Variants in TECR observed in about 807,000 individuals in gnomAD.
TECR encodes the protein trans-2,3-enoyl-CoA reductase, also known as very-long-chain enoyl-CoA reductase.
In TECR, 19 loss-of-function variants were observed where a neutral mutation model predicts 50.6. That is an observed-to-expected ratio of 0.38 (90% CI 0.26 to 0.55). TECR has a LOEUF of 0.55. TECR is among the 20% of genes least tolerant of loss of function. TECR has a pLI of 0.79. For synonymous variants in TECR, 168 were observed against 163.5 expected (o/e 1.03, Z -0.21); for missense variants, 313 against 408.3 (o/e 0.77, Z 2.01).
At chr19:14,543,687 C>T (rs1057342382) in intron 1 of TECR, among the ~76,000 whole-genome samples, 1 of 150,576 alleles carries the variant, frequency 6.6e-6, no homozygotes, top group African/African-American at 2.4e-5. Context: ...ATCCTCCCGC[C>T]TCGGCCTCCC....
chr19:14,529,565 C>G, upstream of TECR: 1 of 1,420,218 alleles, frequency 7.0e-7, no homozygotes, highest in Non-Finnish European at 9.9e-7. Flanking sequence ...CGCGCGCGGC[C>G]TGGAGGGGCG....
chr19:14,551,965 CTCTCTCTT>C (rs1322678696), intron 1 of TECR, among the ~76,000 whole-genome samples: 7 of 120,644 alleles, frequency 5.8e-5, no homozygotes, highest in Non-Finnish European at 1.0e-4. Flanking sequence ...CTCTCTCTCT[CTCTCTCTT>C]TCTCTCTTTT....
chr19:14,551,708 G>C (rs1298098143), intron 1 of TECR, among the ~76,000 whole-genome samples: 2 of 152,084 alleles, frequency 1.3e-5, no homozygotes, highest in African/African-American at 4.8e-5. Flanking sequence ...CAGCCTGGCT[G>C]TGTGAGGCTG....
chr19:14,563,034 G>A lies in TECR; in HGVS notation c.67-172G>A. 1 of 753,674 alleles carries A rather than the reference G, an allele frequency of 1.3e-6. No individual in the cohort carries two copies. The highest frequency in any genetic ancestry group is 2.2e-6 in the Non-Finnish European group (1 of 460,436). The allele number at this position is 753,674 out of a possible 1,614,324, so 46.7% of individuals were successfully genotyped here. On this transcript the variant is annotated intron_variant, in intron 2 of 12. Coordinates refer to ENST00000215567, the MANE Select transcript of TECR (RefSeq NM_138501.6). The surrounding 1 kb of genome is among the most constrained non-coding windows in gnomAD (Gnocchi z 5.3). ...CCCAGACCCCTGCTGTCACTGCACTGGCAGGGCCCTCGGTGGTCCTTCCCT... is the reference window on the plus strand; with the variant it reads ...CCCAGACCCCTGCTGTCACTGCACTAGCAGGGCCCTCGGTGGTCCTTCCCT...
At position 14,563,094 on chromosome 19, in the gene TECR, C is replaced by T; in HGVS notation, c.67-112C>T. 2 of 1,383,042 alleles carry T rather than the reference C, an allele frequency of 1.4e-6. No homozygotes were observed. The highest frequency in any genetic ancestry group is 2.0e-6 in the Non-Finnish European group (2 of 989,416). The allele number at this position is 1,383,042 out of a possible 1,614,324, so 85.7% of individuals were successfully genotyped here. Reference sequence around the variant, plus strand: ...CAGAGGCCTGGACCCCAGCCCTTCCCCCTTCCCATAGCTACAGCCCAACCC... The same window carrying T: ...CAGAGGCCTGGACCCCAGCCCTTCCTCCTTCCCATAGCTACAGCCCAACCC... On this transcript the variant is annotated intron_variant, in intron 2 of 12. Transcript: ENST00000215567. The surrounding 1 kb of genome is among the most constrained non-coding windows in gnomAD (Gnocchi z 5.3).
chr19:14,564,216 A>C lies in TECR; in HGVS notation c.418A>C (p.Lys140Gln). The change falls in exon 7 of 13, where the codon AAG becomes CAG. Residue 140 changes from lysine to glutamine, a missense_variant. Transcript: ENST00000215567. The stretch of plus-strand genomic sequence containing the variant: ...CATCTGTCACTCATTCCACTACATC[A>C]AGCGCCTGCTGGAGACGCTCTTCGT... ...ACICHSFHYIKRLLETLFVHR... is the reference protein window; with the variant it reads ...ACICHSFHYIQRLLETLFVHR... The C allele has an allele frequency of 1.2e-6, 2 of 1,607,212 alleles. No individual in the cohort carries two copies. Among genetic ancestry groups the C allele is most frequent in the Non-Finnish European group, 1.7e-6 (2 of 1,179,584 alleles).
At chr19:14,553,411 C>G (rs2146607770) in intron 1 of TECR, among the ~76,000 whole-genome samples, 1 of 152,196 alleles carries the variant, frequency 6.6e-6, no homozygotes. Flanking sequence ...TCCTCCCCAC[C>G]CTGGGTGACA....
At chr19:14,552,596 C>A (rs968303937) in intron 1 of TECR, among the ~76,000 whole-genome samples, 14 of 151,742 alleles carry the variant, frequency 9.2e-5, no homozygotes, top group Non-Finnish European at 1.3e-4. Context: ...TGCAGTGGCG[C>A]AATCTCTGGC....
chr19:14,563,413 C>A lies in TECR; in HGVS notation c.118+156C>A, dbSNP rs1212620508. 5.9e-6 allele frequency: 5 copies of A among 850,180 alleles called. No homozygotes were observed. The highest frequency in any genetic ancestry group is 9.6e-6 in the Non-Finnish European group (5 of 522,376). 52.7% of individuals were successfully genotyped at this position (850,180 alleles called of 1,614,324 possible). A position where few individuals can be genotyped will look rare whatever the true frequency, so the allele number is the denominator to read the frequency against. On this transcript the variant is annotated intron_variant, in intron 3 of 12. Coordinates refer to ENST00000215567, the MANE Select transcript of TECR (RefSeq NM_138501.6). This position sits in a 1 kb window ranked among gnomAD's most constrained non-coding sequence, Gnocchi z 5.3. ...GGCGTGACTGGGGCAGGCGCCTCCA[C>A]GTGGCACTCCGCAGGAACGCCCTTG...
intron 1 of TECR, among the ~76,000 whole-genome samples, chr19:14,548,840 G>T (rs1411071803): frequency 6.6e-6 from 1 of 152,084 alleles, no homozygotes; most frequent in Non-Finnish European, 1.5e-5. Flanking sequence ...CTCCCAAAGT[G>T]CTGTGATTAC....
At chr19:14,551,924 TC>T (rs1270405728) in intron 1 of TECR, among the ~76,000 whole-genome samples, 1 of 106,802 alleles carries the variant, frequency 9.4e-6, no homozygotes, top group Non-Finnish European at 1.9e-5. Flanking sequence ...CCTCCCTCCC[TC>T]CCTCTCTCTC....
intron 1 of TECR, among the ~76,000 whole-genome samples, chr19:14,540,918 T>G (rs2073075239): frequency 6.6e-6 from 1 of 152,162 alleles, no homozygotes; most frequent in Non-Finnish European, 1.5e-5. Context: ...CACTGCAACT[T>G]CCGCTTTCCG....
chr19:14,564,176 G>A lies in TECR; in HGVS notation c.384-6G>A. 1 of 1,606,628 alleles carries A rather than the reference G, an allele frequency of 6.2e-7. No homozygotes were observed. Among genetic ancestry groups the A allele is most frequent in the Non-Finnish European group, 8.5e-7 (1 of 1,179,768 alleles). ...AGCCCCAGCTGAGCCTGCTCCCCCC[G>A]ACCAGCCTCGCCTGCATCTGTCACT... On this transcript the variant is annotated splice_region_variant and splice_polypyrimidine_tract_variant and intron_variant, in intron 6 of 12. Coordinates refer to ENST00000215567, the MANE Select transcript of TECR (RefSeq NM_138501.6).
At chr19:14,541,931 C>T (rs955171259) in intron 1 of TECR, among the ~76,000 whole-genome samples, 3 of 151,980 alleles carry the variant, frequency 2.0e-5, no homozygotes, top group East Asian at 1.9e-4. Context: ...TACCAGCTAA[C>T]GTGCCACCAC....
At chr19:14,550,297 G>C (rs1266787808) in intron 1 of TECR, among the ~76,000 whole-genome samples, 2 of 152,140 alleles carry the variant, frequency 1.3e-5, no homozygotes, top group East Asian at 3.9e-4. Context: ...GGCGGGTGGT[G>C]TTAGCTGCCG....
intron 1 of TECR, among the ~76,000 whole-genome samples, chr19:14,553,702 A>C (rs889668306): frequency 5.9e-5 from 9 of 151,784 alleles, no homozygotes; most frequent in African/African-American, 2.2e-4. Flanking sequence ...TGCATTTGTG[A>C]TGGGGGCGAG....
chr19:14,552,248 A>G (rs1008329993), intron 1 of TECR, among the ~76,000 whole-genome samples: 7 of 142,134 alleles, frequency 4.9e-5, no homozygotes, highest in African/African-American at 1.8e-4. Context: ...AGGTCACTGC[A>G]GCCTTGACCT....
At chr19:14,555,249 T>G (rs1055878371) in intron 1 of TECR, among the ~76,000 whole-genome samples, 4 of 151,040 alleles carry the variant, frequency 2.6e-5, no homozygotes, top group African/African-American at 9.7e-5. Flanking sequence ...CCCAGCTAAT[T>G]TTTTATTTTT....
chr19:14,565,593 G>A (rs956226884), intron 11 of TECR, 25 bp from the exon 12 acceptor site: 3 of 1,605,122 alleles, frequency 1.9e-6, no homozygotes, highest in South Asian at 1.1e-5. Context: ...GGCTGCCCAC[G>A]CTCACTCTCC....
Sources: gnomAD v4.1 joint callset for allele counts (sites outside exome capture counted in the v4.1 genomes callset) on GRCh38, gnomAD v4.1.1 for gene constraint, Gnocchi (gnomAD v3.1) non-coding constraint, MANE v1.5 for transcripts, NCBI Gene and HGNC (gene_info 2026-07-23, HGNC 2026-07-21) for gene names.